Variants in EPS8 observed in about 807,000 individuals in gnomAD.
EPS8 encodes the protein EGFR pathway substrate 8, signaling adaptor.
Under a neutral mutation model 103.8 loss-of-function variants are expected in EPS8, and 42 were observed. The observed-to-expected ratio is 0.40, with a 90% CI of 0.32 to 0.52. The LOEUF is 0.52. Ranked by LOEUF, EPS8 falls within the 20% of genes least tolerant of loss-of-function variation. The pLI, the probability that EPS8 is intolerant of heterozygous loss-of-function variation, is 0.40. For synonymous variants in EPS8, 344 were observed against 344.6 expected, an observed-to-expected ratio of 1.00 and a Z score of 0.02; for missense variants, 969 against 1,005.1, an observed-to-expected ratio of 0.96 and a Z score of 0.49.
chr12:15,687,309 C>A (rs1352571430), intron 1 of EPS8, among the ~76,000 whole-genome samples: 1 of 152,112 alleles, frequency 6.6e-6, no homozygotes, highest in African/African-American at 2.4e-5. Context: ...ACTCAAAAAA[C>A]TAATAAGGAT....
chr12:15,739,769 T>TATCC (rs1311789460), intron 1 of EPS8, among the ~76,000 whole-genome samples: 2 of 152,030 alleles, frequency 1.3e-5, no homozygotes, highest in East Asian at 1.9e-4. Flanking sequence ...CCTTATCATC[T>TATCC]ATCCATCCAT....
chr12:15,730,291 T>C (rs997730206), intron 1 of EPS8, among the ~76,000 whole-genome samples: 4 of 152,178 alleles, frequency 2.6e-5, no homozygotes, highest in Non-Finnish European at 5.9e-5. Flanking sequence ...AGCTCAGAGT[T>C]TGGTACTTGC....
At position 15,740,672 on chromosome 12, in the gene EPS8, G is replaced by A. The variant is rs56155185; in HGVS notation, c.-22+48489C>T. Among the ~76,000 whole-genome samples the A allele has an allele frequency of 6.7e-3, 1,022 of 152,234 alleles. 3 individuals carry two copies. Among genetic ancestry groups the A allele is most frequent in the Non-Finnish European group, 0.011 (752 of 68,000 alleles). ...ATAGATTTAATGCTAAAATTTACAT[G>A]AGAGCCAGTACAGGCTAAAGAATAA... is the stretch of plus-strand genomic sequence containing the variant. On this transcript the variant is annotated intron_variant, in intron 1 of 20. Coordinates refer to ENST00000281172, the MANE Select transcript of EPS8 (RefSeq NM_004447.6).
intron 1 of EPS8, among the ~76,000 whole-genome samples, chr12:15,743,291 T>C (rs543932754): frequency 3.7e-4 from 56 of 152,336 alleles, no homozygotes; most frequent in African/African-American, 1.1e-3. Context: ...GAACATTCCA[T>C]GCTCATGGAT....
rs901087224 is a variant in EPS8 at position 15,759,396 on chromosome 12, A to G, written c.-22+29765T>C. On this transcript the variant is annotated intron_variant, in intron 1 of 20. Coordinates refer to ENST00000281172, the MANE Select transcript of EPS8 (RefSeq NM_004447.6). The surrounding 1 kb of genome is among the most constrained non-coding windows in gnomAD (Gnocchi z 4.9). ...AATTTTATGCAATAAAAAAATTATA[A>G]TGACCATCTACTGTATTTAATATTT... 4.6e-5 allele frequency among the ~76,000 whole-genome samples: 7 copies of G among 152,146 alleles called. No homozygotes were observed. Among genetic ancestry groups the G allele is most frequent in the Non-Finnish European group, 7.4e-5 (5 of 67,974 alleles).
intron 3 of EPS8, among the ~76,000 whole-genome samples, chr12:15,673,761 T>C (rs1266845905): frequency 6.6e-6 from 1 of 152,216 alleles, no homozygotes; most frequent in Non-Finnish European, 1.5e-5. Flanking sequence ...AACATGGCAG[T>C]AGGGTTTTAG....
At chr12:15,730,951 C>A (rs935734676) in intron 1 of EPS8, among the ~76,000 whole-genome samples, 1 of 151,852 alleles carries the variant, frequency 6.6e-6, no homozygotes, top group Non-Finnish European at 1.5e-5. Context: ...TACAATAGCA[C>A]ACAAGGTCTA....
Position 15,716,577 on chromosome 12 carries a change from T to C in EPS8, c.-21-33605A>G, listed in dbSNP as rs1317636508. On this transcript the variant is annotated intron_variant, in intron 1 of 20. Transcript: ENST00000281172. The surrounding 1 kb of genome is among the most constrained non-coding windows in gnomAD (Gnocchi z 5.0). The stretch of plus-strand genomic sequence containing the variant: ...CAGGAAATATTATATATTTCGAATG[T>C]GACAGATTTGGTTACTGCACTTTTT... Among the ~76,000 whole-genome samples the C allele has an allele frequency of 6.6e-6, 1 of 152,202 alleles. No homozygotes were observed. The highest frequency in any genetic ancestry group is 1.5e-5 in the Non-Finnish European group (1 of 68,034).
At position 15,731,686 on chromosome 12, in the gene EPS8, T is replaced by A. The variant is rs1946718060; in HGVS notation, c.-21-48714A>T. On this transcript the variant is annotated intron_variant, in intron 1 of 20. Transcript: ENST00000281172. This position sits in a 1 kb window ranked among gnomAD's most constrained non-coding sequence, Gnocchi z 5.1. ...AAGTATTTTCTGAATAGAGAAGATT[T>A]TTTTCTAGTATTCTTGCATAAAAAT... is the stretch of plus-strand genomic sequence containing the variant. Among the ~76,000 whole-genome samples the A allele has an allele frequency of 6.6e-6, 1 of 152,180 alleles. No individual in the cohort carries two copies. Among genetic ancestry groups the A allele is most frequent in the Non-Finnish European group, 1.5e-5 (1 of 68,034 alleles).
chr12:15,631,689 T>C, intron 17 of EPS8, 25 bp from the exon 18 acceptor site: 1 of 1,539,050 alleles, frequency 6.5e-7, no homozygotes, highest in Non-Finnish European at 8.8e-7. Context: ...ATAATTAACT[T>C]AAAATTTAAA....
intron 1 of EPS8, among the ~76,000 whole-genome samples, chr12:15,694,181 C>A (rs1946212430): frequency 6.6e-6 from 1 of 152,048 alleles, no homozygotes; most frequent in East Asian, 1.9e-4. Flanking sequence ...ATTCAAGTCA[C>A]CTCTAATGTG....
rs770893899 is a variant in EPS8 at position 15,700,010 on chromosome 12, C to T, written c.-21-17038G>A. 4.6e-4 allele frequency among the ~76,000 whole-genome samples: 70 copies of T among 152,224 alleles called. No homozygotes were observed. Among genetic ancestry groups the T allele is most frequent in the Admixed American group, 9.8e-4 (15 of 15,288 alleles). On this transcript the variant is annotated intron_variant, in intron 1 of 20. Coordinates refer to ENST00000281172, the MANE Select transcript of EPS8 (RefSeq NM_004447.6). This position sits in a 1 kb window ranked among gnomAD's most constrained non-coding sequence, Gnocchi z 5.1. Reference sequence around the variant, plus strand: ...CTCTACTAAAAACACAAACATTAGCCGGACGTGGTGCTACACAACGTGTAG... The same window carrying T: ...CTCTACTAAAAACACAAACATTAGCTGGACGTGGTGCTACACAACGTGTAG...
At chr12:15,726,923 A>G (rs1033375378) in intron 1 of EPS8, among the ~76,000 whole-genome samples, 14 of 152,246 alleles carry the variant, frequency 9.2e-5, no homozygotes, top group African/African-American at 3.4e-4. Flanking sequence ...AATTAAATAG[A>G]AAGCTATTTT....
Position 15,733,103 on chromosome 12 carries a change from G to A in EPS8, c.-21-50131C>T, listed in dbSNP as rs2135996049. On this transcript the variant is annotated intron_variant, in intron 1 of 20. Coordinates refer to ENST00000281172, the MANE Select transcript of EPS8 (RefSeq NM_004447.6). The surrounding 1 kb of genome is among the most constrained non-coding windows in gnomAD (Gnocchi z 4.8). ...AACAGATACTGGAAAGAAATATAATGTATTCGTCCATTTTCACACTGCTAT... is the reference window on the plus strand; with the variant it reads ...AACAGATACTGGAAAGAAATATAATATATTCGTCCATTTTCACACTGCTAT... Among the ~76,000 whole-genome samples the A allele has an allele frequency of 6.6e-6, 1 of 152,238 alleles. No homozygotes were observed. The highest frequency in any genetic ancestry group is 3.4e-3 in the Middle Eastern group (1 of 294).
chr12:15,665,545 G>T, intron 8 of EPS8: 1 of 533,570 alleles, frequency 1.9e-6, no homozygotes, highest in Non-Finnish European at 3.3e-6. Context: ...TGGTCATGCT[G>T]GTCTCAAACT....
At position 15,715,394 on chromosome 12, in the gene EPS8, C is replaced by CTTTTT. The variant is rs3086457; in HGVS notation, c.-21-32427_-21-32423dup. Reference sequence around the variant, plus strand: ...TTTCTTTTTTTTTTTCTTTACTTTTCTTTTTTTTTTTTTTTTGAGATGGAG... The same window carrying CTTTTT: ...TTTCTTTTTTTTTTTCTTTACTTTTCTTTTTTTTTTTTTTTTTTTTTGAGATGGAG... On this transcript the variant is annotated intron_variant, in intron 1 of 20. Transcript: ENST00000281172. Among the ~76,000 whole-genome samples the CTTTTT allele has an allele frequency of 1.4e-4, 18 of 127,162 alleles. 4 individuals carry two copies. Among genetic ancestry groups the CTTTTT allele is most frequent in the African/African-American group, 2.7e-4 (9 of 32,838 alleles). The allele number at this position is 127,162 out of a possible 152,430, so 83.4% of individuals were successfully genotyped here. A position where few individuals can be genotyped will look rare whatever the true frequency, so the allele number is the denominator to read the frequency against.
intron 8 of EPS8, chr12:15,662,594 C>T (rs1416474639): frequency 2.0e-6 from 2 of 985,496 alleles, no homozygotes; most frequent in Non-Finnish European, 2.4e-6. Flanking sequence ...AAGCTTAAAA[C>T]CCACAATGTT....
intron 3 of EPS8, among the ~76,000 whole-genome samples, chr12:15,680,368 A>G (rs1005145059): frequency 2.6e-5 from 4 of 152,296 alleles, no homozygotes; most frequent in South Asian, 4.2e-4. Flanking sequence ...AAACACATAC[A>G]GTGTTTTCTA....
At chr12:15,660,416 A>G (rs2135814573) in intron 10 of EPS8, among the ~76,000 whole-genome samples, 198 bp downstream of exon 10, 1 of 152,078 alleles carries the variant, frequency 6.6e-6, no homozygotes, top group South Asian at 2.1e-4. Context: ...GGCACATGCC[A>G]CCATGCCCGG....
Sources: gnomAD v4.1 joint callset for allele counts (sites outside exome capture counted in the v4.1 genomes callset) on GRCh38, gnomAD v4.1.1 for gene constraint, Gnocchi (gnomAD v3.1) non-coding constraint, MANE v1.5 for transcripts, NCBI Gene and HGNC (gene_info 2026-07-23, HGNC 2026-07-21) for gene names.